Variants in DGKB observed in about 807,000 individuals in gnomAD.
DGKB encodes diacylglycerol kinase beta, also known as 90 kDa diacylglycerol kinase.
A neutral mutation model predicts 114.3 loss-of-function variants in DGKB; 67 were observed. That is an observed-to-expected ratio of 0.59 (90% CI 0.48 to 0.72). DGKB has a LOEUF of 0.72. DGKB is among the 30% of genes least tolerant of loss of function. The pLI is 0.00. For synonymous variants in DGKB, 398 were observed against 323.1 expected (o/e 1.23, Z -2.49); for missense variants, 907 against 975.2 (o/e 0.93, Z 0.93).
At chr7:14,153,258 AT>A (rs1782491832) in intron 25 of DGKB, among the ~76,000 whole-genome samples, 1 of 151,944 alleles carries the variant, frequency 6.6e-6, no homozygotes, top group African/African-American at 2.4e-5. Context: ...GAAAAGTAGC[AT>A]TTCCCTTTCT....
intron 21 of DGKB, among the ~76,000 whole-genome samples, chr7:14,388,085 G>A (rs1455389810): frequency 6.6e-6 from 1 of 151,062 alleles, no homozygotes; most frequent in Admixed American, 6.6e-5. Flanking sequence ...CACCTTCTTG[G>A]CCAGGCTGGT....
chr7:14,633,775 A>T (rs1307815229), intron 13 of DGKB, among the ~76,000 whole-genome samples: 5 of 151,714 alleles, frequency 3.3e-5, no homozygotes, highest in Non-Finnish European at 7.4e-5. Context: ...AATGTGATTG[A>T]TTTTATTTGA....
chr7:14,407,089 A>G (rs1824061165), intron 21 of DGKB, among the ~76,000 whole-genome samples: 1 of 152,094 alleles, frequency 6.6e-6, no homozygotes, highest in Admixed American at 6.6e-5. Flanking sequence ...TGAGAGCTAA[A>G]GGATGTAAAG....
intron 20 of DGKB, among the ~76,000 whole-genome samples, chr7:14,569,102 A>G (rs2128697464): frequency 6.6e-6 from 1 of 152,320 alleles, no homozygotes; most frequent in East Asian, 1.9e-4. Context: ...AGGAAGAGGA[A>G]TGTAAGCTGC....
intron 23 of DGKB, among the ~76,000 whole-genome samples, chr7:14,313,162 G>C (rs972088588): frequency 2.6e-5 from 4 of 152,154 alleles, no homozygotes; most frequent in Non-Finnish European, 2.9e-5. Flanking sequence ...ATATCCAAAA[G>C]TATTTGAACA....
intron 23 of DGKB, among the ~76,000 whole-genome samples, chr7:14,205,190 C>T (rs1786572594): frequency 2.0e-5 from 3 of 151,966 alleles, no homozygotes; most frequent in African/African-American, 7.2e-5. Context: ...ATGCCATGTC[C>T]ATGTGGGGCT....
intron 2 of DGKB, among the ~76,000 whole-genome samples, chr7:14,835,253 T>C (rs991761618): frequency 1.3e-5 from 2 of 152,206 alleles, no homozygotes; most frequent in Non-Finnish European, 2.9e-5. Context: ...GTGTTTTAAC[T>C]GAAAAGGCTT....
chr7:14,606,951 A>G (rs186836477), intron 17 of DGKB, among the ~76,000 whole-genome samples: 3 of 152,180 alleles, frequency 2.0e-5, no homozygotes, highest in Admixed American at 2.0e-4. Context: ...ATTTAAAAAT[A>G]AGACCTTGGC....
At chr7:14,941,922 G>T (rs967686565) in intron 1 of DGKB, among the ~76,000 whole-genome samples, 1 of 151,928 alleles carries the variant, frequency 6.6e-6, no homozygotes, top group Non-Finnish European at 1.5e-5. Context: ...GTTAATTTTA[G>T]AATTCAGTAA....
chr7:14,798,876 A>T (rs963115504), intron 2 of DGKB, among the ~76,000 whole-genome samples: 3 of 152,232 alleles, frequency 2.0e-5, no homozygotes, highest in Non-Finnish European at 2.9e-5. Context: ...GAGGGCTACT[A>T]TTGTGGCAAA....
Position 14,954,055 on chromosome 7 carries a change from T to C in DGKB, c.-188+20641A>G, listed in dbSNP as rs567340237. 5.9e-5 allele frequency among the ~76,000 whole-genome samples: 9 copies of C among 152,152 alleles called. 1 individual carries two copies. The South Asian group carries it at 1.9e-3, about 32-fold the overall frequency. On this transcript the variant is annotated intron_variant, in intron 1 of 4. Coordinates refer to the DGKB transcript ENST00000437998. ...GTGATTTTGGTACCGGTCTAATCAC[T>C]TTATTAGGGGATCAAAGAAGGCTTT...
chr7:14,867,616 A>T (rs980473635), intron 1 of DGKB, among the ~76,000 whole-genome samples: 3 of 152,268 alleles, frequency 2.0e-5, no homozygotes, highest in African/African-American at 7.2e-5. Context: ...GTGAAAACTA[A>T]TTATAAACCT....
intron 17 of DGKB, among the ~76,000 whole-genome samples, chr7:14,589,025 A>C (rs1393560519): frequency 6.6e-6 from 1 of 152,084 alleles, no homozygotes; most frequent in African/African-American, 2.4e-5. Flanking sequence ...TTATTCATGA[A>C]TGTAGTATTG....
In DGKB at chr7:14,663,972, A is replaced by T. The variant is rs560797677; in HGVS notation, c.1134+8957T>A. Reference sequence around the variant, plus strand: ...TCAAAATTACCATTTGTCCAGCTACAAAGCTGGACTTGAGGTTCATGAAAT... The same window carrying T: ...TCAAAATTACCATTTGTCCAGCTACTAAGCTGGACTTGAGGTTCATGAAAT... On this transcript the variant is annotated intron_variant, in intron 13 of 25. Transcript: ENST00000402815. Among the ~76,000 whole-genome samples the T allele has an allele frequency of 2.0e-5, 3 of 152,060 alleles. No individual in the cohort carries two copies. The East Asian group carries it at 5.8e-4, about 30-fold the overall frequency.
chr7:14,871,973 C>T (rs1370186314), intron 1 of DGKB, among the ~76,000 whole-genome samples: 2 of 152,070 alleles, frequency 1.3e-5, no homozygotes, highest in African/African-American at 4.8e-5. Flanking sequence ...TTATACGGCA[C>T]TTTGCCCTAA....
intron 21 of DGKB, among the ~76,000 whole-genome samples, chr7:14,393,059 G>A (rs967116243): frequency 3.5e-5 from 5 of 142,094 alleles, no homozygotes; most frequent in Middle Eastern, 4.5e-3. Context: ...CACGATCTCG[G>A]CTCACTGCAA....
intron 1 of DGKB, among the ~76,000 whole-genome samples, chr7:14,954,568 G>C (rs1786392303): frequency 1.3e-5 from 2 of 151,950 alleles, no homozygotes; most frequent in South Asian, 4.2e-4. Context: ...AGAAGATTAG[G>C]AGGCTATTAT....
At chr7:14,961,220 A>G (rs1429324757) in intron 1 of DGKB, among the ~76,000 whole-genome samples, 1 of 152,092 alleles carries the variant, frequency 6.6e-6, no homozygotes, top group Non-Finnish European at 1.5e-5. Flanking sequence ...TGTTTTGAAG[A>G]CTTGTGTGCA....
intron 20 of DGKB, among the ~76,000 whole-genome samples, chr7:14,489,182 T>G (rs1476197897): frequency 1.3e-5 from 2 of 152,192 alleles, no homozygotes; most frequent in African/African-American, 4.8e-5. Flanking sequence ...CTCCCTCTAA[T>G]AGAATCCTTA....
Sources: gnomAD v4.1 joint callset for allele counts (sites outside exome capture counted in the v4.1 genomes callset) on GRCh38, gnomAD v4.1.1 for gene constraint, MANE v1.5 for transcripts, NCBI Gene and HGNC (gene_info 2026-07-23, HGNC 2026-07-21) for gene names.